Variants in DDX10 observed in about 807,000 individuals in gnomAD.
DDX10 encodes the protein DEAD-box helicase 10, also known as probable ATP-dependent RNA helicase DDX10.
In DDX10, 74 loss-of-function variants were observed where a neutral mutation model predicts 104.3. The ratio of observed to expected loss-of-function variants is 0.71; its 90% CI spans 0.59 to 0.86. DDX10 has a LOEUF of 0.86. Among genes scored for constraint, DDX10 ranks in the 40% least tolerant of loss-of-function variants. The pLI is 0.00. For missense variants in DDX10, 952 were observed against 1,040.0 expected (o/e 0.92, Z 1.16); for synonymous variants, 351 against 353.4 (o/e 0.99, Z 0.08).
intron 16 of DDX10, among the ~76,000 whole-genome samples, chr11:108,912,998 A>G (rs779954716): frequency 6.6e-6 from 1 of 152,078 alleles, no homozygotes; most frequent in Non-Finnish European, 1.5e-5. Context: ...GAGGTGATAG[A>G]TATTTCAGAG....
At chr11:108,782,742 C>T (rs1861723814) in intron 13 of DDX10, among the ~76,000 whole-genome samples, 1 of 151,958 alleles carries the variant, frequency 6.6e-6, no homozygotes, top group South Asian at 2.1e-4. Context: ...TCAATCAAAT[C>T]AAGAGTATTT....
chr11:108,819,254 T>A (rs917572677), intron 13 of DDX10, among the ~76,000 whole-genome samples: 27 of 152,330 alleles, frequency 1.8e-4, no homozygotes, highest in African/African-American at 5.8e-4. Context: ...CTTTCCTGTT[T>A]TTTCTCCCCA....
chr11:108,859,657 T>G (rs1385500366), intron 16 of DDX10, among the ~76,000 whole-genome samples: 2 of 152,186 alleles, frequency 1.3e-5, no homozygotes, highest in African/African-American at 2.4e-5. Flanking sequence ...AATTTGACAT[T>G]TATATGCTTG....
At chr11:108,832,569 A>G (rs1025197074) in intron 13 of DDX10, among the ~76,000 whole-genome samples, 1 of 152,212 alleles carries the variant, frequency 6.6e-6, no homozygotes, top group African/African-American at 2.4e-5. Context: ...GTTCTGTCAT[A>G]CGTAAAATAA....
chr11:108,716,196 A>G (rs1301808643), intron 11 of DDX10, among the ~76,000 whole-genome samples: 3 of 152,080 alleles, frequency 2.0e-5, no homozygotes, highest in East Asian at 3.9e-4. Context: ...CCCAGGCTCA[A>G]GTGATTCTTG....
rs139873256 is a variant in DDX10 at position 108,699,964 on chromosome 11, C to G, written c.1223+6364C>G. Reference sequence around the variant, plus strand: ...CTTGCATAGATGGACTATTTGTATACTCGGTTACAAAGCCCACCAGAGAAA... The same window carrying G: ...CTTGCATAGATGGACTATTTGTATAGTCGGTTACAAAGCCCACCAGAGAAA... On this transcript the variant is annotated intron_variant, in intron 9 of 17. Transcript: ENST00000322536. Among the ~76,000 whole-genome samples the G allele has an allele frequency of 3.3e-3, 504 of 152,254 alleles. 2 individuals are homozygous for G. The highest frequency in any genetic ancestry group is 0.011 in the African/African-American group (474 of 41,540).
At chr11:108,714,351 A>C (rs1180987761) in intron 10 of DDX10, among the ~76,000 whole-genome samples, 1 of 149,902 alleles carries the variant, frequency 6.7e-6, no homozygotes, top group Non-Finnish European at 1.5e-5. Flanking sequence ...CCCTGTACTC[A>C]CCTCTCTCTT....
intron 16 of DDX10, among the ~76,000 whole-genome samples, chr11:108,907,418 C>T (rs930332709): frequency 1.3e-5 from 2 of 151,770 alleles, no homozygotes; most frequent in South Asian, 4.2e-4. Context: ...TCACTGCAAC[C>T]TCCACCTCTC....
intron 13 of DDX10, among the ~76,000 whole-genome samples, chr11:108,770,621 G>T (rs935253188): frequency 6.6e-6 from 1 of 151,436 alleles, no homozygotes; most frequent in African/African-American, 2.4e-5. Flanking sequence ...TGAAATGTTT[G>T]TCTTTCTGTG....
At chr11:108,666,777 C>T (rs1023976692) in intron 1 of DDX10, among the ~76,000 whole-genome samples, 1 of 152,200 alleles carries the variant, frequency 6.6e-6, no homozygotes, top group African/African-American at 2.4e-5. Context: ...ACAGATAATC[C>T]AGGATAATCA....
intron 16 of DDX10, among the ~76,000 whole-genome samples, chr11:108,870,579 A>G (rs1863067455): frequency 6.6e-6 from 1 of 152,172 alleles, no homozygotes; most frequent in African/African-American, 2.4e-5. Context: ...TAGCTATGTG[A>G]TTTGTTTCCT....
At chr11:108,895,208 A>T (rs996771705) in intron 16 of DDX10, among the ~76,000 whole-genome samples, 10 of 152,004 alleles carry the variant, frequency 6.6e-5, no homozygotes, top group African/African-American at 2.4e-4. Flanking sequence ...TATTCTCTTA[A>T]ACTCTTCAGG....
chr11:108,820,747 C>T (rs1430217090), intron 13 of DDX10, among the ~76,000 whole-genome samples: 1 of 152,166 alleles, frequency 6.6e-6, no homozygotes, highest in Non-Finnish European at 1.5e-5. Flanking sequence ...GGGAATGGTT[C>T]CAGCTCATGG....
intron 9 of DDX10, among the ~76,000 whole-genome samples, chr11:108,698,699 G>A (rs2050007088): frequency 6.6e-6 from 1 of 152,222 alleles, no homozygotes; most frequent in Admixed American, 6.5e-5. Context: ...AGCAGGCACA[G>A]TGTTCCTTCT....
intron 16 of DDX10, among the ~76,000 whole-genome samples, chr11:108,915,889 C>T (rs548814789): frequency 6.9e-5 from 10 of 144,304 alleles, no homozygotes; most frequent in African/African-American, 2.1e-4. Context: ...GAATGCAGAG[C>T]GGATTTGAGA....
In DDX10 at chr11:108,677,993, T is replaced by A. The variant is rs138789133; in HGVS notation, c.538-322T>A. Among the ~76,000 whole-genome samples, 11 of 151,944 alleles carry A rather than the reference T, an allele frequency of 7.2e-5. No individual in the cohort carries two copies. In the East Asian group the frequency reaches 2.1e-3, roughly 29 times the overall value. ...TGGGTCCTGAATTAAAGAATGAGAGTGATTCCAGTTTATGTCAGTTCTGAT... is the reference window on the plus strand; with the variant it reads ...TGGGTCCTGAATTAAAGAATGAGAGAGATTCCAGTTTATGTCAGTTCTGAT... On this transcript the variant is annotated intron_variant, in intron 4 of 17. Transcript: ENST00000322536.
chr11:108,690,115 C>G (rs1336631893), intron 7 of DDX10, among the ~76,000 whole-genome samples: 1 of 152,116 alleles, frequency 6.6e-6, no homozygotes. Context: ...TTCCAGTCTC[C>G]TGGGAGCATT....
intron 16 of DDX10, among the ~76,000 whole-genome samples, chr11:108,911,553 CTTCTTT>C (rs1157065431): frequency 3.7e-4 from 43 of 117,232 alleles, no homozygotes; most frequent in South Asian, 8.5e-4. Flanking sequence ...TTTGCCTCCT[CTTCTTT>C]TTTTTTTTTT....
intron 16 of DDX10, among the ~76,000 whole-genome samples, chr11:108,879,049 G>GC (rs1863191489): frequency 6.6e-6 from 1 of 152,098 alleles, no homozygotes; most frequent in Non-Finnish European, 1.5e-5. Flanking sequence ...CTGTCGCCAG[G>GC]CTGGAGTGCA....
Sources: allele counts gnomAD v4.1 joint callset (sites outside exome capture counted in the v4.1 genomes callset), GRCh38; gene constraint gnomAD v4.1.1; transcripts MANE v1.5; gene names NCBI Gene and HGNC (gene_info 2026-07-23, HGNC 2026-07-21).